MYO3A: variants seen among roughly 807,000 people sequenced by gnomAD.
The protein encoded by MYO3A is myosin-IIIa.
Under a neutral mutation model 192.7 loss-of-function variants are expected in MYO3A, and 180 were observed. The ratio of observed to expected loss-of-function variants is 0.93; its 90% confidence interval spans 0.83 to 1.06. The LOEUF is 1.06. Among genes scored for constraint, MYO3A ranks in the 50% least tolerant of loss-of-function variants. The probability of loss-of-function intolerance (pLI) is 0.00; values close to 1 mark genes in which losing one functional copy is unlikely to be tolerated. For synonymous variants in MYO3A, 628 were observed against 645.3 expected, an observed-to-expected ratio of 0.97 and a Z score of 0.41; for missense variants, 1,896 against 1,905.0, an observed-to-expected ratio of 1.00 and a Z score of 0.09.
At chr10:26,034,144 A>T (rs959016755) in intron 10 of MYO3A, among the ~76,000 whole-genome samples, 1 of 152,152 alleles carries the variant, frequency 6.6e-6, no homozygotes, top group Non-Finnish European at 1.5e-5. Context: ...ATAATTTTGG[A>T]TTCATTTTGC....
At chr10:26,157,261 A>G (rs762889232) in intron 25 of MYO3A, 49 bp from the exon 26 acceptor site, 1 of 1,548,446 alleles carries the variant, frequency 6.5e-7, no homozygotes. Flanking sequence ...ACAAGCTCAT[A>G]CGTTTTTGTA....
At chr10:26,182,915 C>A (rs115723830) in intron 31 of MYO3A, among the ~76,000 whole-genome samples, 3,208 of 152,186 alleles carry the variant, frequency 0.021, 113 homozygotes, top group African/African-American at 0.073. Context: ...TCTGTTGTGG[C>A]GCCCTGTTTT....
chr10:26,130,334 GGGCTCA>G (rs1352200258), intron 20 of MYO3A, among the ~76,000 whole-genome samples: 1 of 152,076 alleles, frequency 6.6e-6, no homozygotes, highest in Admixed American at 6.5e-5. Flanking sequence ...TTGAAATCCT[GGGCTCA>G]GGCTCAGCAA....
rs571254051 is a variant in MYO3A at position 25,976,769 on chromosome 10, A to G, written c.304-19721A>G. 2.8e-4 allele frequency among the ~76,000 whole-genome samples: 42 copies of G among 152,264 alleles called. 1 individual carries two copies. Among genetic ancestry groups the G allele is most frequent in the African/African-American group, 1.0e-3 (42 of 41,566 alleles). On this transcript the variant is annotated intron_variant, in intron 4 of 34. Coordinates refer to ENST00000642920, the MANE Select transcript of MYO3A (RefSeq NM_017433.5). ...TTTTAGCATTGTGTTGCAAAACTAT[A>G]CATAATTATTTTTCAGTCTACTATT...
At chr10:26,119,371 G>A (rs1199182678) in intron 17 of MYO3A, among the ~76,000 whole-genome samples, 1 of 152,084 alleles carries the variant, frequency 6.6e-6, no homozygotes, top group East Asian at 1.9e-4. Context: ...TAGCCTATCT[G>A]CTACTGAATT....
intron 17 of MYO3A, among the ~76,000 whole-genome samples, chr10:26,114,921 A>G (rs1471995552): frequency 1.3e-5 from 2 of 152,134 alleles, no homozygotes; most frequent in Admixed American, 1.3e-4. Context: ...AAAAATGAAC[A>G]CCCCAGAATG....
At chr10:26,106,963 G>A (rs1173592050) in intron 17 of MYO3A, among the ~76,000 whole-genome samples, 1 of 151,908 alleles carries the variant, frequency 6.6e-6, no homozygotes, top group African/African-American at 2.4e-5. Context: ...GATTACTAAA[G>A]TTATGCCAGT....
intron 17 of MYO3A, among the ~76,000 whole-genome samples, chr10:26,101,917 G>A (rs987347400): frequency 2.6e-5 from 4 of 152,060 alleles, no homozygotes; most frequent in Non-Finnish European, 5.9e-5. Context: ...GGCATTTTCT[G>A]TATTTCCTGA....
intron 6 of MYO3A, among the ~76,000 whole-genome samples, chr10:25,999,143 C>G (rs933185283): frequency 6.6e-6 from 1 of 152,154 alleles, no homozygotes; most frequent in Non-Finnish European, 1.5e-5. Context: ...CATGATCCAC[C>G]CGTCTCGGCC....
chr10:25,937,691 A>G (rs890184989), intron 2 of MYO3A, among the ~76,000 whole-genome samples: 17 of 151,802 alleles, frequency 1.1e-4, no homozygotes, highest in Admixed American at 1.0e-3. Flanking sequence ...TCTAGCATTT[A>G]TTTTAAGAAG....
At chr10:26,075,752 TATATATATGTCTCTCTCATATATATATG>T (rs1287189240) in intron 14 of MYO3A, among the ~76,000 whole-genome samples, 2 of 147,012 alleles carry the variant, frequency 1.4e-5, no homozygotes, top group East Asian at 2.0e-4. Context: ...ATATATATGA[TATATATATGTCTCTCTCATATATATATG>T]ATATATATGT....
intron 4 of MYO3A, among the ~76,000 whole-genome samples, chr10:25,988,489 A>G (rs1839797284): frequency 6.6e-6 from 1 of 152,256 alleles, no homozygotes; most frequent in Admixed American, 6.5e-5. Context: ...GAGGGGCTGC[A>G]GATGGTATAG....
intron 31 of MYO3A, among the ~76,000 whole-genome samples, chr10:26,180,580 C>T (rs1334058408): frequency 1.3e-5 from 2 of 151,840 alleles, no homozygotes; most frequent in East Asian, 3.9e-4. Flanking sequence ...GATTGTAGGA[C>T]TATTAGCAGA....
chr10:26,196,869 A>G (rs1367826780), intron 32 of MYO3A, among the ~76,000 whole-genome samples: 1 of 152,202 alleles, frequency 6.6e-6, no homozygotes, highest in Non-Finnish European at 1.5e-5. Flanking sequence ...ATACAAGCAT[A>G]CAATGTGTAA....
At chr10:26,158,085 C>T (rs532752496) in intron 26 of MYO3A, among the ~76,000 whole-genome samples, 26 of 152,220 alleles carry the variant, frequency 1.7e-4, no homozygotes, top group African/African-American at 6.0e-4. Flanking sequence ...TCACTTTACT[C>T]GCCTACCAAA....
intron 11 of MYO3A, among the ~76,000 whole-genome samples, chr10:26,067,378 T>A (rs928675938): frequency 2.6e-5 from 4 of 152,240 alleles, no homozygotes; most frequent in Non-Finnish European, 5.9e-5. Context: ...TGTAAGTTGT[T>A]AGGCCACAGA....
Position 26,096,636 on chromosome 10 carries a change from A to G in MYO3A, c.1730A>G (p.Tyr577Cys), listed in dbSNP as rs745348214. ...AATAATAGTTTCTATAAATCCCAGT[A>G]TGAATTAATTGAGCAATGTTTCAAA... ...IMNNSFYKSQ[Y>C]ELIEQCFKVI... The change falls in exon 17 of 35, where the codon TAT (tyrosine) becomes TGT (cysteine). Residue 577 changes from tyrosine to cysteine, a missense_variant. Physicochemically the swap from Tyr to Cys is radical, Grantham distance 194. Coordinates refer to ENST00000642920, the MANE Select transcript of MYO3A (RefSeq NM_017433.5). The G allele has an allele frequency of 2.5e-6, 4 of 1,606,354 alleles. No individual in the cohort carries two copies. Among genetic ancestry groups the G allele is most frequent in the South Asian group, 1.1e-5 (1 of 90,950 alleles).
intron 6 of MYO3A, among the ~76,000 whole-genome samples, chr10:26,014,445 A>G (rs1841864205): frequency 6.6e-6 from 1 of 152,134 alleles, no homozygotes; most frequent in East Asian, 1.9e-4. Context: ...TAAAAGTCTT[A>G]TTTAACTTTA....
At chr10:26,089,323 C>T (rs1013575018) in intron 15 of MYO3A, among the ~76,000 whole-genome samples, 3 of 152,050 alleles carry the variant, frequency 2.0e-5, no homozygotes, top group Non-Finnish European at 4.4e-5. Flanking sequence ...GGAAGGAGGC[C>T]GGGCACAGTG....
Sources: allele counts gnomAD v4.1 joint callset (sites outside exome capture counted in the v4.1 genomes callset), GRCh38; gene constraint gnomAD v4.1.1; transcripts MANE v1.5; gene names NCBI Gene and HGNC (gene_info 2026-07-23, HGNC 2026-07-21).